The following ADD3 variants were observed in gnomAD, a reference collection of about 807,000 sequenced individuals.
The protein encoded by ADD3 is gamma-adducin.
A neutral mutation model predicts 80.2 loss-of-function variants in ADD3; 25 were observed. The observed-to-expected ratio is 0.31, with a 90% CI of 0.23 to 0.44. ADD3 has a LOEUF of 0.44. Among genes scored for constraint, ADD3 ranks in the 20% least tolerant of loss-of-function variants. The pLI, the probability that ADD3 is intolerant of heterozygous loss-of-function variation, is 1.00. For missense variants in ADD3, 829 were observed against 847.5 expected (o/e 0.98, Z 0.27); for synonymous variants, 284 against 289.6 (o/e 0.98, Z 0.20).
At chr10:110,054,155 G>A (rs986487888) in intron 1 of ADD3, among the ~76,000 whole-genome samples, 1 of 152,198 alleles carries the variant, frequency 6.6e-6, no homozygotes, top group Non-Finnish European at 1.5e-5. Flanking sequence ...TGCTGAGAAT[G>A]TGTGAAAGAT....
Position 110,118,723 on chromosome 10 carries a change from T to C in ADD3, c.704T>C (p.Leu235Pro). Residue 235 changes from leucine to proline, a missense_variant, in exon 6 of 15, where the codon CTT becomes CCT. Physicochemically the swap from Leu to Pro is moderately conservative, Grantham distance 98. Coordinates refer to ENST00000356080, the MANE Select transcript of ADD3 (RefSeq NM_016824.5). ...AAGTGTGTGATACACATCCATACCC[T>C]TGCAACAGCAGCTGTAAGTCAATGA... ...DVKCVIHIHTLATAAVSSMKC... is the reference protein window; with the variant it reads ...DVKCVIHIHTPATAAVSSMKC... 6.2e-7 allele frequency: 1 copy of C among 1,613,578 alleles called. No homozygotes were observed.
chr10:110,112,918 A>G lies in ADD3; in HGVS notation c.334+3A>G, dbSNP rs1850232356. The G allele has an allele frequency of 6.2e-7, 1 of 1,612,524 alleles. No individual in the cohort carries two copies. Among genetic ancestry groups the G allele is most frequent in the Non-Finnish European group, 8.5e-7 (1 of 1,179,496 alleles). Reference sequence around the variant, plus strand: ...GGGTTTTTCTTCACCTCCTCTCAGTATGTCAGTTTTGGAGAGTTTTAAACA... The same window carrying G: ...GGGTTTTTCTTCACCTCCTCTCAGTGTGTCAGTTTTGGAGAGTTTTAAACA... On this transcript the variant is annotated splice_donor_region_variant and intron_variant, in intron 3 of 14. Transcript: ENST00000356080.
intron 1 of ADD3, among the ~76,000 whole-genome samples, chr10:110,035,510 C>A (rs1251418258): frequency 2.0e-5 from 3 of 152,194 alleles, no homozygotes. Flanking sequence ...AGCTCTAAAT[C>A]CAAGCTAGAC....
Position 110,112,777 on chromosome 10 carries a change from G to T in ADD3, c.196G>T (p.Ala66Ser). Reference protein sequence around the residue: ...KRVTQILQSPAFREDLECLIQ... With the variant: ...KRVTQILQSPSFREDLECLIQ... ...CAGTCTTTATTTTTGTGTATTACAG[G>T]CCTTTCGGGAAGACTTGGAATGCCT... Residue 66 changes from alanine to serine, a missense_variant and splice_region_variant, in exon 3 of 15, where the codon GCC becomes TCC. Transcript: ENST00000356080. 6.2e-7 allele frequency: 1 copy of T among 1,612,350 alleles called. No homozygotes were observed.
At chr10:110,043,158 G>A (rs573111657) in intron 1 of ADD3, among the ~76,000 whole-genome samples, 1 of 152,342 alleles carries the variant, frequency 6.6e-6, no homozygotes, top group East Asian at 1.9e-4. Context: ...ATCTTGGTGT[G>A]TGTGGTTGTT....
rs1590087828 is a variant in ADD3 at position 110,093,657 on chromosome 10, A to G, written c.-29-6968A>G. Among the ~76,000 whole-genome samples the G allele has an allele frequency of 2.0e-5, 3 of 151,948 alleles. No individual in the cohort carries two copies. The South Asian group carries it at 6.2e-4, about 32-fold the overall frequency. Reference sequence around the variant, plus strand: ...TGCATGTAGTTCCTTTTTGTTTGGAACTCAAAGTTGTGTGGAATGTTCCAT... The same window carrying G: ...TGCATGTAGTTCCTTTTTGTTTGGAGCTCAAAGTTGTGTGGAATGTTCCAT... On this transcript the variant is annotated intron_variant, in intron 1 of 14. Transcript: ENST00000356080.
At chr10:110,125,739 C>A in intron 10 of ADD3, 87 bp from the exon 11 acceptor site, 1 of 966,972 alleles carries the variant, frequency 1.0e-6, no homozygotes. Flanking sequence ...TGGCAATGCC[C>A]CTCTTGAGAC....
At chr10:110,031,348 A>G (rs1057071864) in intron 1 of ADD3, among the ~76,000 whole-genome samples, 4 of 152,220 alleles carry the variant, frequency 2.6e-5, no homozygotes, top group African/African-American at 9.6e-5. Context: ...GTACAGTGCT[A>G]GGTACTTTAG....
chr10:110,031,270 T>A (rs1372864304), intron 1 of ADD3, among the ~76,000 whole-genome samples: 1 of 152,148 alleles, frequency 6.6e-6, no homozygotes, highest in Non-Finnish European at 1.5e-5. Flanking sequence ...CAAAACTCTG[T>A]CCCTCAAAAA....
chr10:110,001,181 G>A (rs1329996756), upstream of ADD3, among the ~76,000 whole-genome samples: 2 of 152,106 alleles, frequency 1.3e-5, no homozygotes, highest in Non-Finnish European at 2.9e-5. Flanking sequence ...TTGGGAAGCC[G>A]AGGTGGGTGG....
At chr10:110,125,267 A>G (rs1851999838) in intron 10 of ADD3, among the ~76,000 whole-genome samples, 1 of 152,200 alleles carries the variant, frequency 6.6e-6, no homozygotes, top group Non-Finnish European at 1.5e-5. Context: ...AATATGGGGT[A>G]AATGAGAAGA....
intron 1 of ADD3, among the ~76,000 whole-genome samples, chr10:110,008,842 A>AC (rs1434901898): frequency 6.6e-6 from 1 of 151,816 alleles, no homozygotes; most frequent in Admixed American, 6.6e-5. Context: ...CCGCTTCCCC[A>AC]CCCCCCAACA....
At chr10:110,117,088 C>T (rs898432702) in intron 4 of ADD3, among the ~76,000 whole-genome samples, 1 of 152,064 alleles carries the variant, frequency 6.6e-6, no homozygotes, top group Admixed American at 6.5e-5. Flanking sequence ...CATAGCTGAC[C>T]CTAAATAACC....
chr10:110,036,838 G>T (rs939922529), intron 1 of ADD3, among the ~76,000 whole-genome samples: 25 of 152,148 alleles, frequency 1.6e-4, no homozygotes, highest in African/African-American at 5.5e-4. Context: ...AGAAAATAGT[G>T]TTATGACTAG....
At chr10:110,056,249 C>A (rs1214476430) in intron 1 of ADD3, among the ~76,000 whole-genome samples, 1 of 152,150 alleles carries the variant, frequency 6.6e-6, no homozygotes, top group African/African-American at 2.4e-5. Context: ...TCTTTAGTTC[C>A]ATGAATAAAT....
At position 110,133,401 on chromosome 10, in the gene ADD3, T is replaced by A. The variant is rs745354201; in HGVS notation, c.1904T>A (p.Met635Lys). The A allele has an allele frequency of 1.9e-6, 3 of 1,613,268 alleles. No individual in the cohort carries two copies. Among genetic ancestry groups the A allele is most frequent in the Non-Finnish European group, 1.7e-6 (2 of 1,179,334 alleles). ...PVMVVNGKDD[M>K]HDVEDELAKR... is the part of the protein sequence containing the mutation. ...ATGGTAGTAAATGGCAAGGATGATA[T>A]GCATGATGTTGAAGATGAGCTTGCT... The change falls in exon 15 of 15, where the codon ATG (methionine) becomes AAG (lysine). Residue 635 changes from methionine (M) to lysine (K), a missense_variant. Met to Lys is a moderately conservative substitution (Grantham distance 95). Coordinates refer to ENST00000356080, the MANE Select transcript of ADD3 (RefSeq NM_016824.5).
chr10:110,061,390 C>G (rs1274363717), intron 1 of ADD3, among the ~76,000 whole-genome samples: 1 of 152,092 alleles, frequency 6.6e-6, no homozygotes, highest in South Asian at 2.1e-4. Context: ...TGTGTATGTC[C>G]CCTTAATGCT....
At chr10:110,118,508 C>G in intron 5 of ADD3, 79 bp from the exon 6 acceptor site, 2 of 1,287,704 alleles carry the variant, frequency 1.6e-6, no homozygotes, top group Non-Finnish European at 2.2e-6. Context: ...AAAAGGTTTG[C>G]TACCCCCTGG....
intron 1 of ADD3, among the ~76,000 whole-genome samples, chr10:110,049,167 G>C (rs562205690): frequency 1.3e-5 from 2 of 152,342 alleles, no homozygotes; most frequent in African/African-American, 4.8e-5. Context: ...TGGGTGCACA[G>C]GAGTCAAGAA....
Sources: allele counts gnomAD v4.1 joint callset (sites outside exome capture counted in the v4.1 genomes callset), GRCh38; gene constraint gnomAD v4.1.1; transcripts MANE v1.5; gene names NCBI Gene and HGNC (gene_info 2026-07-23, HGNC 2026-07-21).